SPTBN5: variants seen among roughly 807,000 people sequenced by gnomAD.
SPTBN5 encodes spectrin beta, non-erythrocytic 5.
A neutral mutation model predicts 477.6 loss-of-function variants in SPTBN5; 513 were observed. The observed-to-expected ratio is 1.07, with a 90% CI of 1.00 to 1.16. The LOEUF (loss-of-function observed/expected upper bound fraction) is 1.16. Ranked by LOEUF, SPTBN5 falls within the 50% of genes most tolerant of loss-of-function variation. SPTBN5 has a pLI of 0.00. For missense variants in SPTBN5, 5,062 were observed against 4,731.8 expected (o/e 1.07, Z -2.05); for synonymous variants, 2,169 against 2,011.7 (o/e 1.08, Z -2.09).
At position 41,856,499 on chromosome 15, in the gene SPTBN5, C is replaced by T. The variant is rs775756145; in HGVS notation, c.8908G>A (p.Val2970Met). The change falls in exon 53 of 68, where the codon GTG (valine) becomes ATG (methionine). Residue 2970 changes from valine to methionine, a missense_variant. By Grantham distance (21) the Val-to-Met change is conservative. Coordinates refer to ENST00000320955, the MANE Select transcript of SPTBN5 (RefSeq NM_016642.4). ...TCCAGCTGCTGCACCCGGGCGGCCACCTCGTGGGCGGCAAAGTGCCCAGCC... is the reference window on the plus strand; with the variant it reads ...TCCAGCTGCTGCACCCGGGCGGCCATCTCGTGGGCGGCAAAGTGCCCAGCC... ...VQAGHFAAHE[V>M]AARVQQLEKA... 19 of 1,598,932 alleles carry T rather than the reference C, an allele frequency of 1.2e-5. No individual in the cohort carries two copies. The highest frequency in any genetic ancestry group is 9.1e-5 in the East Asian group (4 of 44,084).
Position 41,877,338 on chromosome 15 carries a change from A to G in SPTBN5, c.3489T>C (p.Ala1163=). The part of the protein sequence containing the change: ...LWQERLQQLD[A]QSQPMAALDC... ...CCAAGGCTGCCATGGGCTGGCTCTG[A>G]GCGTCCAGCTGCTGCAGCCTGACCA... The change falls in exon 18 of 68, where the codon GCT becomes GCC. Residue 1163 remains alanine (A), a synonymous_variant. Transcript: ENST00000320955. 1 of 1,608,718 alleles carries G rather than the reference A, an allele frequency of 6.2e-7. No individual in the cohort carries two copies. The highest frequency in any genetic ancestry group is 8.5e-7 in the Non-Finnish European group (1 of 1,177,458).
Position 41,852,283 on chromosome 15 carries a change from G to C in SPTBN5, c.10483C>G (p.Leu3495Val). 6.2e-7 allele frequency: 1 copy of C among 1,600,114 alleles called. No homozygotes were observed. Among genetic ancestry groups the C allele is most frequent in the Non-Finnish European group, 8.5e-7 (1 of 1,173,276 alleles). ...EQELLLQPQE[L>V]KPGRAGSSLT... ...GAGCTGCCAGCTCTCCCGGGCTTCA[G>C]CTCCTGTGGCTGCAGCAGGAGCTCC... The change falls in exon 62 of 68, where the codon CTG becomes GTG. Residue 3495 changes from leucine (L) to valine (V), a missense_variant. Leu to Val is a conservative substitution (Grantham distance 32). Coordinates refer to ENST00000320955, the MANE Select transcript of SPTBN5 (RefSeq NM_016642.4).
chr15:41,888,869 G>A (rs548033893), intron 4 of SPTBN5, among the ~76,000 whole-genome samples: 2 of 152,228 alleles, frequency 1.3e-5, no homozygotes, highest in African/African-American at 4.8e-5. Context: ...GCCCACATGA[G>A]GGGGAGTGGA....
Position 41,878,605 on chromosome 15 carries a change from C to A in SPTBN5, c.3207G>T (p.Glu1069Asp). Residue 1069 changes from glutamate (E) to aspartate (D), a missense_variant, in exon 17 of 68, where the codon GAG becomes GAT. Glu to Asp is a conservative substitution (Grantham distance 45). Transcript: ENST00000320955. ...CCACCTGTCCTTGCAGAGGCTGGCT[C>A]TCTGCGTAGCCTGGCTCCTCGACCC... is the stretch of plus-strand genomic sequence containing the variant. ...VVKVEEPGYAESQPLQGQVET... is the reference protein window; with the variant it reads ...VVKVEEPGYADSQPLQGQVET... The A allele has an allele frequency of 6.2e-7, 1 of 1,612,090 alleles. No homozygotes were observed. Among genetic ancestry groups the A allele is most frequent in the South Asian group, 1.1e-5 (1 of 90,912 alleles).
Position 41,850,272 on chromosome 15 carries a change from GAGGAGAGTCCAGGGGA to G in SPTBN5, c.10922-329_10922-314del, listed in dbSNP as rs2065708603. 7.8e-6 allele frequency: 3 copies of G among 383,240 alleles called. No individual in the cohort carries two copies. In the South Asian group the frequency reaches 8.6e-5, roughly 11 times the overall value. 23.7% of individuals were successfully genotyped at this position (383,240 alleles called of 1,614,324 possible). On this transcript the variant is annotated intron_variant, in intron 66 of 67. Transcript: ENST00000320955. ...GGCTCCTGGGAAGACAGACTCTTGG[GAGGAGAGTCCAGGGGA>G]ACCAGCGACAGAGCTAGGATCCCAG...
rs2065946369 is a variant in SPTBN5 at position 41,857,048 on chromosome 15, G to A, written c.8622-9C>T. On this transcript the variant is annotated splice_polypyrimidine_tract_variant and intron_variant, in intron 51 of 67. Transcript: ENST00000320955. ...CCCTCAGGCTCTTGAACCTGCAGCG[G>A]TGGAGGGTGGGACCAAGGGAGGCAG... 1.3e-6 allele frequency: 2 copies of A among 1,597,502 alleles called. No homozygotes were observed. The highest frequency in any genetic ancestry group is 1.7e-6 in the Non-Finnish European group (2 of 1,172,798).
At chr15:41,857,540 C>T (rs749801331) in intron 50 of SPTBN5, 33 bp downstream of exon 50, 38 of 1,603,606 alleles carry the variant, frequency 2.4e-5, no homozygotes, top group South Asian at 1.3e-4. Context: ...TCCTGGAGCC[C>T]GGCCAGCCAC....
intron 3 of SPTBN5, 91 bp from the exon 4 acceptor site, chr15:41,890,296 G>C: frequency 2.4e-6 from 2 of 829,034 alleles, no homozygotes; most frequent in Non-Finnish European, 4.1e-6. Context: ...TGCGGGATGG[G>C]AGCATCCTGG....
Position 41,885,909 on chromosome 15 carries a change from A to T in SPTBN5, c.1346T>A (p.Leu449Gln). Residue 449 changes from leucine (L) to glutamine (Q), a missense_variant, in exon 7 of 68, where the codon CTA becomes CAA. Coordinates refer to ENST00000320955, the MANE Select transcript of SPTBN5 (RefSeq NM_016642.4). ...ESFLKDAEQV[L>Q]DQARAPPASL... The stretch of plus-strand genomic sequence containing the variant: ...GGCTGGCGGGGCTCTGGCCTGGTCT[A>T]GCACCTGCTCTGCATCCTTAAGGAA... The T allele has an allele frequency of 6.3e-7, 1 of 1,585,158 alleles. No homozygotes were observed. Among genetic ancestry groups the T allele is most frequent in the East Asian group, 2.3e-5 (1 of 43,242 alleles).
intron 29 of SPTBN5, among the ~76,000 whole-genome samples, chr15:41,871,154 G>A (rs916340554): frequency 3.3e-5 from 5 of 152,246 alleles, no homozygotes; most frequent in Non-Finnish European, 7.3e-5. Flanking sequence ...TCTCAATCCT[G>A]GGGGCAGGAC....
rs922267446 is a variant in SPTBN5 at position 41,848,409 on chromosome 15, G to A, written c.*207C>T. ...TCCTCTTCACCCAGACAGGAATGCA[G>A]GGGGAGGCCAGGCAATGGCTGTTTC... On this transcript the variant is annotated 3_prime_UTR_variant, in exon 68 of 68. Coordinates refer to ENST00000320955, the MANE Select transcript of SPTBN5 (RefSeq NM_016642.4). 9 of 643,156 alleles carry A rather than the reference G, an allele frequency of 1.4e-5. No homozygotes were observed. The highest frequency in any genetic ancestry group is 1.3e-4 in the African/African-American group (7 of 55,206). The allele number at this position is 643,156 out of a possible 1,614,324, so 39.8% of individuals were successfully genotyped here.
rs765579630 is a variant in SPTBN5 at position 41,853,680 on chromosome 15, C to T, written c.9882G>A (p.Glu3294=). 3 of 1,603,440 alleles carry T rather than the reference C, an allele frequency of 1.9e-6. No individual in the cohort carries two copies. Among genetic ancestry groups the T allele is most frequent in the Non-Finnish European group, 8.5e-7 (1 of 1,177,234 alleles). Residue 3294 remains glutamate, a synonymous_variant, in exon 58 of 68, where the codon GAG becomes GAA. Coordinates refer to ENST00000320955, the MANE Select transcript of SPTBN5 (RefSeq NM_016642.4). Reference sequence around the variant, plus strand: ...CCTTCGCCTGCAGGGTGGCCCAGGCCTCCTGCACCTTGGCCAGGCCCCCCG... The same window carrying T: ...CCTTCGCCTGCAGGGTGGCCCAGGCTTCCTGCACCTTGGCCAGGCCCCCCG... The part of the protein sequence containing the change: ...AAPGGLAKVQ[E]AWATLQAKAQ...
rs553490169 is a variant in SPTBN5, at chr15:41,876,658, G to GC, written c.3852-12_3852-11insG. On this transcript the variant is annotated splice_polypyrimidine_tract_variant and intron_variant, in intron 19 of 67. Coordinates refer to ENST00000320955, the MANE Select transcript of SPTBN5 (RefSeq NM_016642.4). ...AGCTGCTCTCTGACCCTGGAGGGCG[G>GC]GGGGGGGTTGGAGGAGGGCATGGGA... 4.7e-4 allele frequency: 689 copies of GC among 1,458,262 alleles called. 8 individuals carry two copies. In the East Asian group the frequency reaches 0.015, roughly 32 times the overall value. The allele number at this position is 1,458,262 out of a possible 1,614,324, so 90.3% of individuals were successfully genotyped here.
At chr15:41,851,220 G>A in intron 64 of SPTBN5, 63 bp downstream of exon 64, 1 of 1,569,398 alleles carries the variant, frequency 6.4e-7, no homozygotes, top group Non-Finnish European at 8.6e-7. Flanking sequence ...CCTCTGTCCT[G>A]GGGCCCCTCT....
In SPTBN5 at chr15:41,879,492, G is replaced by T. The variant is rs763856482; in HGVS notation, c.2950C>A (p.Gln984Lys). Residue 984 changes from glutamine (Q) to lysine (K), a missense_variant, in exon 16 of 68, where the codon CAG becomes AAG. By Grantham distance (53) the Gln-to-Lys change is moderately conservative. Transcript: ENST00000320955. ...TTCTCCCTCTTCAGGGCCTCCAGCTGCCCCCACCTGGGCAGAGGGTACAAG... is the reference window on the plus strand; with the variant it reads ...TTCTCCCTCTTCAGGGCCTCCAGCTTCCCCCACCTGGGCAGAGGGTACAAG... Reference protein sequence around the residue: ...QQEELSQRWGQLEALKREKAV... With the variant: ...QQEELSQRWGKLEALKREKAV... 1 of 1,564,772 alleles carries T rather than the reference G, an allele frequency of 6.4e-7. No individual in the cohort carries two copies. Among genetic ancestry groups the T allele is most frequent in the East Asian group, 2.4e-5 (1 of 42,322 alleles).
intron 60 of SPTBN5, 34 bp from the exon 61 acceptor site, chr15:41,852,769 T>G (rs982381164): frequency 6.6e-5 from 84 of 1,275,898 alleles, no homozygotes; most frequent in Middle Eastern, 2.1e-4. Flanking sequence ...ACGCCCAGCT[T>G]GGGGGGGGGG....
At chr15:41,880,034 A>G in intron 14 of SPTBN5, 126 bp downstream of exon 14, 1 of 1,418,448 alleles carries the variant, frequency 7.0e-7, no homozygotes, top group Non-Finnish European at 9.4e-7. Context: ...CTCGAAATTC[A>G]GGCCAGCTCT....
At position 41,887,226 on chromosome 15, in the gene SPTBN5, C is replaced by T. The variant is rs890499; in HGVS notation, c.875G>A (p.Arg292Lys). The T allele has an allele frequency of 0.011, 16,896 of 1,551,460 alleles. 1,526 individuals are homozygous for T. In the African/African-American group the frequency reaches 0.2, roughly 18 times the overall value. ...SRLHQGQTVQ[R>K]RLTKILLQLQ... ...TTTCTCCCCCACCTTAGTGAGTCTC[C>T]TCTGGACAGTCTGCCCCTGATGCAG... The change falls in exon 6 of 68, where the codon AGG becomes AAG. Residue 292 changes from arginine (R) to lysine (K), a missense_variant. Transcript: ENST00000320955.
chr15:41,851,026 G>A (rs746304617), intron 65 of SPTBN5, 33 bp downstream of exon 65: 2 of 1,601,510 alleles, frequency 1.2e-6, no homozygotes, highest in Admixed American at 1.7e-5. Flanking sequence ...TGGCTGCTGG[G>A]GGTGATGCCG....
Sources: gnomAD v4.1 joint callset for allele counts (sites outside exome capture counted in the v4.1 genomes callset) on GRCh38, gnomAD v4.1.1 for gene constraint, MANE v1.5 for transcripts, NCBI Gene and HGNC (gene_info 2026-07-23, HGNC 2026-07-21) for gene names.